Variants in SUCLG2 observed in about 807,000 individuals in gnomAD.
SUCLG2 encodes the protein succinate-CoA ligase GDP-forming subunit beta, also known as succinate--CoA ligase [GDP-forming] subunit beta, mitochondrial.
Under a neutral mutation model 47.9 loss-of-function variants are expected in SUCLG2, and 42 were observed. That is an observed-to-expected ratio of 0.88 (90% confidence interval 0.69 to 1.14). SUCLG2 has a LOEUF of 1.14. Ranked by LOEUF, SUCLG2 falls within the 50% of genes most tolerant of loss-of-function variation. The probability of loss-of-function intolerance (pLI) is 0.00; values close to 1 mark genes in which losing one functional copy is unlikely to be tolerated. For synonymous variants in SUCLG2, 195 were observed against 197.3 expected (o/e 0.99, Z 0.10); for missense variants, 571 against 525.9 (o/e 1.09, Z -0.84).
At chr3:67,454,259 G>C (rs1482263984) in intron 9 of SUCLG2, among the ~76,000 whole-genome samples, 3 of 152,102 alleles carry the variant, frequency 2.0e-5, no homozygotes, top group Admixed American at 6.5e-5. Flanking sequence ...TGGAACAGTA[G>C]CTGGTATATA....
At chr3:67,615,421 C>A (rs1206640322) in intron 1 of SUCLG2, among the ~76,000 whole-genome samples, 1 of 152,114 alleles carries the variant, frequency 6.6e-6, no homozygotes, top group Non-Finnish European at 1.5e-5. Flanking sequence ...AAATCGTCTA[C>A]CCACTGGCTC....
intron 1 of SUCLG2, among the ~76,000 whole-genome samples, chr3:67,632,331 C>T (rs1194973379): frequency 2.6e-5 from 4 of 152,062 alleles, no homozygotes; most frequent in East Asian, 3.9e-4. Context: ...TACAGGCACG[C>T]ACCACCACAC....
intron 9 of SUCLG2, among the ~76,000 whole-genome samples, chr3:67,489,407 T>C (rs555143047): frequency 5.9e-4 from 90 of 152,212 alleles, no homozygotes; most frequent in African/African-American, 1.9e-3. Flanking sequence ...CTATTCTAAG[T>C]GGAAGTGGAG....
intron 2 of SUCLG2, among the ~76,000 whole-genome samples, chr3:67,531,690 C>T (rs1706408061): frequency 6.6e-6 from 1 of 152,180 alleles, no homozygotes; most frequent in African/African-American, 2.4e-5. Flanking sequence ...TCACTAAAAT[C>T]ATCTCTTCTG....
intron 7 of SUCLG2, among the ~76,000 whole-genome samples, chr3:67,508,180 G>C (rs1038356071): frequency 5.3e-5 from 8 of 152,018 alleles, no homozygotes; most frequent in Admixed American, 1.3e-4. Flanking sequence ...GAGTTCAACT[G>C]GGGGGGACTT....
chr3:67,532,876 T>C (rs1344664114), intron 2 of SUCLG2, among the ~76,000 whole-genome samples: 2 of 152,184 alleles, frequency 1.3e-5, no homozygotes, highest in Non-Finnish European at 2.9e-5. Flanking sequence ...TTACCACAAG[T>C]GTTATTCTAA....
intron 2 of SUCLG2, among the ~76,000 whole-genome samples, chr3:67,557,220 A>G (rs1707185308): frequency 6.6e-6 from 1 of 152,206 alleles, no homozygotes; most frequent in South Asian, 2.1e-4. Context: ...CTACCTCTAC[A>G]ATACTCAGGT....
At chr3:67,479,596 C>T (rs1162541525) in intron 9 of SUCLG2, among the ~76,000 whole-genome samples, 1 of 152,156 alleles carries the variant, frequency 6.6e-6, no homozygotes, top group Non-Finnish European at 1.5e-5. Context: ...GACTGAATCA[C>T]AGCAAAACAC....
chr3:67,377,687 T>A (rs543091409), intron 10 of SUCLG2, among the ~76,000 whole-genome samples: 1 of 152,340 alleles, frequency 6.6e-6, no homozygotes, highest in Admixed American at 6.5e-5. Context: ...AGGCTCTCGC[T>A]GTGTCACCCA....
intron 9 of SUCLG2, among the ~76,000 whole-genome samples, chr3:67,431,646 C>T (rs1421322796): frequency 6.6e-6 from 1 of 151,762 alleles, no homozygotes; most frequent in African/African-American, 2.4e-5. Flanking sequence ...GGACAGAAAA[C>T]CAAACACCGC....
At chr3:67,395,883 A>C (rs1167537492) in intron 10 of SUCLG2, among the ~76,000 whole-genome samples, 7 of 152,188 alleles carry the variant, frequency 4.6e-5, no homozygotes, top group Admixed American at 1.3e-4. Flanking sequence ...AAAACCGCTC[A>C]ACTACATGGA....
chr3:67,548,730 A>G (rs1706932224), intron 2 of SUCLG2, among the ~76,000 whole-genome samples: 1 of 152,236 alleles, frequency 6.6e-6, no homozygotes, highest in Non-Finnish European at 1.5e-5. Context: ...CAAATGAGCG[A>G]AAATATTGAC....
At chr3:67,621,103 C>T (rs1285688712) in intron 1 of SUCLG2, among the ~76,000 whole-genome samples, 1 of 152,188 alleles carries the variant, frequency 6.6e-6, no homozygotes, top group Non-Finnish European at 1.5e-5. Context: ...TGCAACTACT[C>T]AACTCTGCCT....
intron 9 of SUCLG2, among the ~76,000 whole-genome samples, chr3:67,472,961 T>C (rs972455381): frequency 2.0e-5 from 3 of 152,230 alleles, no homozygotes; most frequent in Admixed American, 2.0e-4. Flanking sequence ...AATCATATAA[T>C]GGAAAATAAA....
chr3:67,401,085 T>C (rs188461710), intron 9 of SUCLG2, among the ~76,000 whole-genome samples: 1 of 152,324 alleles, frequency 6.6e-6, no homozygotes, highest in East Asian at 1.9e-4. Context: ...ATCACTCTTT[T>C]CAACTCAAAA....
intron 9 of SUCLG2, among the ~76,000 whole-genome samples, chr3:67,431,737 G>A (rs147270061): frequency 3.0e-4 from 46 of 151,356 alleles, no homozygotes; most frequent in Middle Eastern, 3.4e-3. Flanking sequence ...GGGGCATGTC[G>A]TGGGGTGGCG....
intron 9 of SUCLG2, among the ~76,000 whole-genome samples, chr3:67,465,528 C>G (rs559831574): frequency 1.2e-4 from 19 of 152,288 alleles, no homozygotes; most frequent in Admixed American, 1.1e-3. Flanking sequence ...CTGCTAAGGT[C>G]CTGAGAATGC....
chr3:67,392,547 C>T (rs1260916158), intron 10 of SUCLG2, among the ~76,000 whole-genome samples: 4 of 152,160 alleles, frequency 2.6e-5, no homozygotes, highest in Admixed American at 2.6e-4. Context: ...TTTCATTTTA[C>T]CCCTAGGATA....
rs79765451 is a variant in SUCLG2 at position 67,465,648 on chromosome 3, C to G, written c.1062+30150G>C. On this transcript the variant is annotated intron_variant, in intron 9 of 10. Transcript: ENST00000307227. ...GGGGCATCCAATCTTCCTTCCCTCT[C>G]TCCTTCACTCAGAGTCAGACCTGCA... 2.9e-3 allele frequency among the ~76,000 whole-genome samples: 449 copies of G among 152,320 alleles called. 15 individuals are homozygous for G. The South Asian group carries it at 0.053, about 18-fold the overall frequency.
Sources: gnomAD v4.1 joint callset for allele counts (sites outside exome capture counted in the v4.1 genomes callset) on GRCh38, gnomAD v4.1.1 for gene constraint, MANE v1.5 for transcripts, NCBI Gene and HGNC (gene_info 2026-07-23, HGNC 2026-07-21) for gene names.